The following ZNF92 variants were observed in gnomAD, a reference collection of about 807,000 sequenced individuals.
The protein encoded by ZNF92 is epididymis luminal protein 203.
A neutral mutation model predicts 12.4 loss-of-function variants in ZNF92; 11 were observed. The ratio of observed to expected loss-of-function variants is 0.89; its 90% CI spans 0.56 to 1.47. The LOEUF is 1.47. Among genes scored for constraint, ZNF92 ranks in the 40% most tolerant of loss-of-function variants. ZNF92 has a pLI of 0.00. For synonymous variants in ZNF92, 206 were observed against 228.6 expected (o/e 0.90, Z 0.89); for missense variants, 622 against 681.0 (o/e 0.91, Z 0.96).
chr7:65,389,828 T>C (rs184352515), intron 3 of ZNF92, among the ~76,000 whole-genome samples: 1 of 151,944 alleles, frequency 6.6e-6, no homozygotes, highest in African/African-American at 2.4e-5. Flanking sequence ...AAATTTATTA[T>C]TAATATTACT....
In ZNF92 at chr7:65,400,648, T is replaced by C. The variant is rs1793989981; in HGVS notation, c.*773T>C. ...TAGGTAAGTTATTTATATATAACTT[T>C]AAAAGAAGTAGAAGATTTTTTGGAG... On this transcript the variant is annotated 3_prime_UTR_variant, in exon 4 of 4. Transcript: ENST00000328747. 6.6e-6 allele frequency: 1 copy of C among 152,012 alleles called. No individual in the cohort carries two copies. Among genetic ancestry groups the C allele is most frequent in the Non-Finnish European group, 1.5e-5 (1 of 67,890 alleles). The allele number at this position is 152,012 out of a possible 1,614,324, so 9.4% of individuals were successfully genotyped here. A position where few individuals can be genotyped will look rare whatever the true frequency, so the allele number is the denominator to read the frequency against.
At chr7:65,379,769 C>T (rs905817096) in intron 1 of ZNF92, among the ~76,000 whole-genome samples, 7 of 152,130 alleles carry the variant, frequency 4.6e-5, no homozygotes, top group Non-Finnish European at 8.8e-5. Context: ...TCTCATCTGC[C>T]TGCATGGACA....
In ZNF92 at chr7:65,398,611, G is replaced by A. The variant is rs903679184; in HGVS notation, c.497G>A (p.Arg166Lys). 1 of 1,611,208 alleles carries A rather than the reference G, an allele frequency of 6.2e-7. No homozygotes were observed. The highest frequency in any genetic ancestry group is 1.3e-5 in the African/African-American group (1 of 74,678). ...KFPNVNRNKI[R>K]HTGKKPFKCK... ...CCAAATGTAAATAGAAATAAGATAA[G>A]ACATACTGGAAAGAAACCTTTCAAA... The change falls in exon 4 of 4, where the codon AGA becomes AAA. Residue 166 changes from arginine (R) to lysine (K), a missense_variant. Transcript: ENST00000328747.
chr7:65,392,018 T>C (rs917694873), intron 3 of ZNF92, among the ~76,000 whole-genome samples: 1 of 152,156 alleles, frequency 6.6e-6, no homozygotes, highest in Non-Finnish European at 1.5e-5. Flanking sequence ...GTAGGTTTCT[T>C]ATCAGTTTTT....
intron 1 of ZNF92, among the ~76,000 whole-genome samples, chr7:65,386,493 G>T (rs1793568012): frequency 6.6e-6 from 1 of 152,032 alleles, no homozygotes; most frequent in Non-Finnish European, 1.5e-5. Flanking sequence ...CTTAGTCAAG[G>T]AGAACATGTA....
chr7:65,396,391 A>G (rs189368179), intron 3 of ZNF92, among the ~76,000 whole-genome samples: 2 of 152,138 alleles, frequency 1.3e-5, no homozygotes, highest in East Asian at 3.9e-4. Flanking sequence ...TTATCTTTGT[A>G]ATCATCTTGA....
At chr7:65,383,307 G>T (rs985197554) in intron 1 of ZNF92, among the ~76,000 whole-genome samples, 1 of 152,124 alleles carries the variant, frequency 6.6e-6, no homozygotes, top group Non-Finnish European at 1.5e-5. Context: ...TTTATGAGGG[G>T]ATCTCTCCTT....
intron 3 of ZNF92, among the ~76,000 whole-genome samples, chr7:65,394,763 C>T (rs1363645084): frequency 2.0e-5 from 3 of 151,968 alleles, no homozygotes; most frequent in African/African-American, 7.3e-5. Flanking sequence ...AAGCGATTCT[C>T]GTGCCTCAGC....
At chr7:65,391,761 T>C (rs1793721139) in intron 3 of ZNF92, among the ~76,000 whole-genome samples, 1 of 151,864 alleles carries the variant, frequency 6.6e-6, no homozygotes, top group Non-Finnish European at 1.5e-5. Flanking sequence ...TAAAAATGCT[T>C]ACTTATTAAG....
intron 1 of ZNF92, among the ~76,000 whole-genome samples, chr7:65,386,975 C>T (rs10237901): frequency 0.27 from 39,641 of 144,234 alleles, 7,138 homozygotes; most frequent in African/African-American, 0.49. Flanking sequence ...GTTTCACTCT[C>T]GTTCCCCAGG....
chr7:65,391,501 A>G (rs1329011168), intron 3 of ZNF92, among the ~76,000 whole-genome samples: 1 of 152,074 alleles, frequency 6.6e-6, no homozygotes, highest in Non-Finnish European at 1.5e-5. Context: ...TTACTTATAA[A>G]TTTAAGTTTG....
chr7:65,398,339 AG>A lies in ZNF92; in HGVS notation c.227-1del. 6.6e-7 allele frequency: 1 copy of A among 1,519,006 alleles called. No homozygotes were observed. The highest frequency in any genetic ancestry group is 1.4e-5 in the South Asian group (1 of 72,830). 94.1% of individuals were successfully genotyped at this position (1,519,006 alleles called of 1,614,324 possible). A position where few individuals can be genotyped will look rare whatever the true frequency, so the allele number is the denominator to read the frequency against. On this transcript the variant is annotated splice_acceptor_variant, in intron 3 of 3. Transcript: ENST00000328747. LOFTEE classifies it high-confidence loss of function. The stretch of plus-strand genomic sequence containing the variant: ...GTAACTTGTTATTTTTATTTTTTTC[AG>A]TTATGTGTTCTCATTTTGCCCAAGA...
At chr7:65,382,926 A>G (rs1436887268) in intron 1 of ZNF92, among the ~76,000 whole-genome samples, 2 of 152,112 alleles carry the variant, frequency 1.3e-5, no homozygotes, top group Non-Finnish European at 2.9e-5. Context: ...CCTTTGAGCT[A>G]TGTATTTATC....
rs369042589 is a variant in ZNF92, at chr7:65,387,970, G to A, written c.72G>A (p.Ala24=). 8.7e-6 allele frequency: 14 copies of A among 1,608,048 alleles called. No individual in the cohort carries two copies. The highest frequency in any genetic ancestry group is 1.7e-4 in the Middle Eastern group (1 of 6,040). ...AGGAATGGCAATGCCTGGACACTGC[G>A]CAGCGGAATTTATATAGAGATGTGA... ...SLEEWQCLDT[A]QRNLYRDVML... Residue 24 remains alanine, a synonymous_variant, in exon 2 of 4, where the codon GCG becomes GCA. Transcript: ENST00000328747.
intron 3 of ZNF92, among the ~76,000 whole-genome samples, chr7:65,396,299 A>T (rs1425999123): frequency 6.6e-6 from 1 of 151,804 alleles, no homozygotes; most frequent in Non-Finnish European, 1.5e-5. Context: ...GTTTTTTCTC[A>T]TTTCCTGTTT....
chr7:65,389,033 T>C lies in ZNF92; in HGVS notation c.226+132T>C, dbSNP rs375712438. ...GGAGTGCAAGGGTGTGATCTTGGCT[T>C]ACTGCAACCTCTGCCTCCCAGGTTC... On this transcript the variant is annotated intron_variant, in intron 3 of 3. Coordinates refer to ENST00000328747, the MANE Select transcript of ZNF92 (RefSeq NM_152626.4). The C allele has an allele frequency of 3.3e-5, 21 of 635,566 alleles. No individual in the cohort carries two copies. In the East Asian group the frequency reaches 5.5e-4, roughly 17 times the overall value. The allele number at this position is 635,566 out of a possible 1,614,324, so 39.4% of individuals were successfully genotyped here. A position where few individuals can be genotyped will look rare whatever the true frequency, so the allele number is the denominator to read the frequency against.
At chr7:65,379,233 CAG>C (rs1793337105) in intron 1 of ZNF92, among the ~76,000 whole-genome samples, 1 of 152,122 alleles carries the variant, frequency 6.6e-6, no homozygotes, top group African/African-American at 2.4e-5. Flanking sequence ...AATCCTGAAT[CAG>C]GGTCCGTGCA....
chr7:65,399,397 A>G lies in ZNF92; in HGVS notation c.1283A>G (p.Glu428Gly). Residue 428 changes from glutamate to glycine, a missense_variant, in exon 4 of 4, where the codon GAA (glutamate) becomes GGA (glycine). Coordinates refer to ENST00000328747, the MANE Select transcript of ZNF92 (RefSeq NM_152626.4). ...ACTGGAGAGAAACCCTACAAATGTG[A>G]AAAATGTGGCAAGGCCTTTAGCTGG... ...IHTGEKPYKC[E>G]KCGKAFSWSS... 2 of 1,613,700 alleles carry G rather than the reference A, an allele frequency of 1.2e-6. No individual in the cohort carries two copies. The highest frequency in any genetic ancestry group is 1.7e-6 in the Non-Finnish European group (2 of 1,179,788).
At chr7:65,389,428 G>A (rs1793654242) in intron 3 of ZNF92, among the ~76,000 whole-genome samples, 1 of 152,108 alleles carries the variant, frequency 6.6e-6, no homozygotes, top group Admixed American at 6.6e-5. Flanking sequence ...CTTTTCATGG[G>A]AGGAAGAGAC....
Sources: gnomAD v4.1 joint callset for allele counts (sites outside exome capture counted in the v4.1 genomes callset) on GRCh38, gnomAD v4.1.1 for gene constraint, MANE v1.5 for transcripts, NCBI Gene and HGNC (gene_info 2026-07-23, HGNC 2026-07-21) for gene names.